The following TTC9C variants were observed in gnomAD, a reference collection of about 807,000 sequenced individuals.
The protein encoded by TTC9C is tetratricopeptide repeat domain 9C.
TTC9C carries 15 observed loss-of-function variants against 22.5 expected under a neutral mutation model. That is an observed-to-expected ratio of 0.67 (90% CI 0.45 to 1.03). The LOEUF (loss-of-function observed/expected upper bound fraction) is 1.03, where lower values mean the gene tolerates loss of function less well. Among genes scored for constraint, TTC9C ranks in the 50% least tolerant of loss-of-function variants. The pLI, the probability that TTC9C is intolerant of heterozygous loss-of-function variation, is 0.00. For missense variants in TTC9C, 244 were observed against 214.6 expected (o/e 1.14, Z -0.86); for synonymous variants, 92 against 86.8 (o/e 1.06, Z -0.33).
intron 1 of TTC9C, among the ~76,000 whole-genome samples, chr11:62,729,855 C>G (rs751869244): frequency 6.6e-6 from 1 of 152,118 alleles, no homozygotes; most frequent in African/African-American, 2.4e-5. Flanking sequence ...GGATTACATG[C>G]GTGAGCCACC....
At chr11:62,736,460 C>T (rs912794732) in intron 2 of TTC9C, among the ~76,000 whole-genome samples, 2 of 151,762 alleles carry the variant, frequency 1.3e-5, no homozygotes, top group Non-Finnish European at 2.9e-5. Flanking sequence ...TTTGGGAGGC[C>T]GAGGTGGGCG....
chr11:62,735,608 G>C (rs1238239537), intron 2 of TTC9C, 44 bp downstream of exon 2: 1 of 1,560,216 alleles, frequency 6.4e-7, no homozygotes, highest in Non-Finnish European at 8.7e-7. Context: ...AAATTGTCTT[G>C]CTGGGGTGGA....
chr11:62,735,585 A>G (rs758166855), intron 2 of TTC9C, 21 bp downstream of exon 2: 1 of 1,585,774 alleles, frequency 6.3e-7, no homozygotes, highest in South Asian at 1.1e-5. Flanking sequence ...AGGGCTTTGA[A>G]ATGGTAAAGA....
chr11:62,736,723 G>A (rs1400787062), intron 2 of TTC9C, among the ~76,000 whole-genome samples: 1 of 151,606 alleles, frequency 6.6e-6, no homozygotes, highest in Non-Finnish European at 1.5e-5. Flanking sequence ...GGGCGTGATG[G>A]CAGGCCCCTG....
chr11:62,736,483 A>G (rs2134821988), intron 2 of TTC9C, among the ~76,000 whole-genome samples: 1 of 151,790 alleles, frequency 6.6e-6, no homozygotes, highest in East Asian at 2.0e-4. Flanking sequence ...TTACGAGGTC[A>G]GGAGATCGAG....
intron 1 of TTC9C, among the ~76,000 whole-genome samples, chr11:62,732,873 G>T (rs1386791908): frequency 6.6e-6 from 1 of 151,208 alleles, no homozygotes; most frequent in East Asian, 2.0e-4. Flanking sequence ...AGTCAGCCAA[G>T]ATCGTACCAG....
chr11:62,733,052 C>T (rs1468247357), intron 1 of TTC9C: 1 of 958,958 alleles, frequency 1.0e-6, no homozygotes, highest in South Asian at 1.4e-5. Flanking sequence ...TTAATGTGCT[C>T]ATCACTGCTG....
At chr11:62,734,749 C>A (rs2083891217) in intron 1 of TTC9C, among the ~76,000 whole-genome samples, 1 of 152,078 alleles carries the variant, frequency 6.6e-6, no homozygotes, top group African/African-American at 2.4e-5. Context: ...TCCCAAAGTG[C>A]TAGGATTACA....
intron 1 of TTC9C, among the ~76,000 whole-genome samples, 200 bp downstream of exon 1, chr11:62,729,286 GTC>G (rs1453414679): frequency 4.6e-5 from 7 of 152,130 alleles, no homozygotes; most frequent in Admixed American, 4.6e-4. Context: ...CACCTGGAGA[GTC>G]TGTTAAAACA....
At chr11:62,737,153 C>T (rs868231030) in intron 2 of TTC9C, among the ~76,000 whole-genome samples, 6 of 151,858 alleles carry the variant, frequency 4.0e-5, no homozygotes, top group African/African-American at 1.2e-4. Context: ...GAGCCAAGAT[C>T]GCGCCACTGC....
intron 1 of TTC9C, among the ~76,000 whole-genome samples, chr11:62,729,302 C>T (rs928834115): frequency 2.6e-5 from 4 of 152,102 alleles, no homozygotes; most frequent in African/African-American, 9.7e-5. Flanking sequence ...TAAAACACAA[C>T]CTCCTCGGCC....
chr11:62,737,306 G>A (rs551022533), intron 2 of TTC9C, among the ~76,000 whole-genome samples: 1 of 152,322 alleles, frequency 6.6e-6, no homozygotes, highest in South Asian at 2.1e-4. Flanking sequence ...AATGGGGTCT[G>A]GCCTTTGGTT....
In TTC9C at chr11:62,728,717, G is replaced by T; in HGVS notation, c.-132G>T. 1.2e-6 allele frequency: 1 copy of T among 862,914 alleles called. No homozygotes were observed. Among genetic ancestry groups the T allele is most frequent in the Non-Finnish European group, 1.9e-6 (1 of 526,596 alleles). 53.5% of individuals were successfully genotyped at this position (862,914 alleles called of 1,614,324 possible). On this transcript the variant is annotated 5_prime_UTR_variant, in exon 1 of 3. Coordinates refer to ENST00000316461, the MANE Select transcript of TTC9C (RefSeq NM_173810.4). ...CAAGCAAACCGCAGGTCCCTGTGGG[G>T]GGACTCTCCAGGAAGAAGGGTAATT...
At chr11:62,732,324 T>C (rs906292515) in intron 1 of TTC9C, among the ~76,000 whole-genome samples, 9 of 151,660 alleles carry the variant, frequency 5.9e-5, no homozygotes, top group African/African-American at 1.7e-4. Context: ...ATTAATTTAC[T>C]TGGGCCGGGC....
chr11:62,735,298 G>A, intron 1 of TTC9C, 84 bp from the exon 2 acceptor site: 1 of 1,541,842 alleles, frequency 6.5e-7, no homozygotes, highest in Non-Finnish European at 8.8e-7. Flanking sequence ...TTACCACCCT[G>A]TTCAGTACTG....
chr11:62,728,474 A>C (rs749451877), upstream of TTC9C: 1 of 472,778 alleles, frequency 2.1e-6, no homozygotes, highest in South Asian at 1.5e-5. Context: ...GTCCAATAGA[A>C]AGGCGGAAGC....
chr11:62,738,474 C>T lies in TTC9C; in HGVS notation c.*92C>T. On this transcript the variant is annotated 3_prime_UTR_variant, in exon 3 of 3. Transcript: ENST00000316461. ...TGAGCCTCAGCAAGAGAAATTAACC[C>T]TATACCTCTGACCCAGGTGGATTTT... The T allele has an allele frequency of 2.3e-6, 2 of 871,414 alleles. No individual in the cohort carries two copies. Among genetic ancestry groups the T allele is most frequent in the Non-Finnish European group, 3.6e-6 (2 of 551,516 alleles). 54.0% of individuals were successfully genotyped at this position (871,414 alleles called of 1,614,324 possible). A position where few individuals can be genotyped will look rare whatever the true frequency, so the allele number is the denominator to read the frequency against.
intron 1 of TTC9C, chr11:62,733,198 A>G (rs1029708799): frequency 7.8e-7 from 1 of 1,275,870 alleles, no homozygotes; most frequent in Non-Finnish European, 1.0e-6. Flanking sequence ...ACTCCTCTGC[A>G]GGTTTGTATT....
intron 1 of TTC9C, among the ~76,000 whole-genome samples, chr11:62,730,707 G>A (rs1215556401): frequency 1.3e-5 from 2 of 152,110 alleles, no homozygotes; most frequent in African/African-American, 4.8e-5. Context: ...CCAAGTAGCT[G>A]GGATTAGAGG....
Sources: allele counts gnomAD v4.1 joint callset (sites outside exome capture counted in the v4.1 genomes callset), GRCh38; gene constraint gnomAD v4.1.1; transcripts MANE v1.5; gene names NCBI Gene and HGNC (gene_info 2026-07-23, HGNC 2026-07-21).